CDH13: variants seen among roughly 807,000 people sequenced by gnomAD.
CDH13 encodes cadherin 13.
Under a neutral mutation model 63.8 loss-of-function variants are expected in CDH13, and 24 were observed. The ratio of observed to expected loss-of-function variants is 0.38; its 90% CI spans 0.27 to 0.53. The LOEUF is 0.53. Among genes scored for constraint, CDH13 ranks in the 20% least tolerant of loss-of-function variants. The pLI is 0.85. For synonymous variants in CDH13, 503 were observed against 355.3 expected (o/e 1.42, Z -4.67); for missense variants, 1,049 against 903.1 (o/e 1.16, Z -2.07).
At chr16:83,102,512 G>A (rs993384096) in intron 3 of CDH13, among the ~76,000 whole-genome samples, 3 of 152,120 alleles carry the variant, frequency 2.0e-5, no homozygotes, top group Non-Finnish European at 2.9e-5. Flanking sequence ...CAGATGACAT[G>A]AGATTACATG....
At chr16:82,821,864 A>C (rs2038017652) in intron 1 of CDH13, among the ~76,000 whole-genome samples, 1 of 152,174 alleles carries the variant, frequency 6.6e-6, no homozygotes. Flanking sequence ...CAAGGGCTTG[A>C]AGGAATGTAT....
chr16:83,009,812 G>T (rs564429928), intron 2 of CDH13, among the ~76,000 whole-genome samples: 2 of 152,300 alleles, frequency 1.3e-5, no homozygotes, highest in African/African-American at 4.8e-5. Context: ...AATACAGACT[G>T]CTGGGCTCTA....
At chr16:83,412,962 A>G (rs1455094836) in intron 6 of CDH13, among the ~76,000 whole-genome samples, 4 of 152,192 alleles carry the variant, frequency 2.6e-5, no homozygotes, top group Non-Finnish European at 5.9e-5. Flanking sequence ...TTGGGTGAGA[A>G]ATTACTTATA....
intron 7 of CDH13, among the ~76,000 whole-genome samples, chr16:83,524,828 A>T (rs2151624738): frequency 6.6e-6 from 1 of 152,194 alleles, no homozygotes; most frequent in African/African-American, 2.4e-5. Context: ...TGTCAAGTTT[A>T]TCCATCTTTA....
At chr16:83,239,058 C>G (rs1270654045) in intron 5 of CDH13, among the ~76,000 whole-genome samples, 2 of 152,220 alleles carry the variant, frequency 1.3e-5, no homozygotes, top group Non-Finnish European at 2.9e-5. Context: ...GCTTAAGAAG[C>G]TAACACTCAC....
intron 2 of CDH13, among the ~76,000 whole-genome samples, chr16:83,004,490 CTGTTTTGTTT>C (rs757103686): frequency 1.3e-5 from 2 of 151,996 alleles, no homozygotes; most frequent in Admixed American, 6.6e-5. Flanking sequence ...GCAAGGACCC[CTGTTTTGTTT>C]TGTTTTGTTT....
At chr16:83,616,181 G>A (rs1408357759) in intron 8 of CDH13, among the ~76,000 whole-genome samples, 1 of 152,206 alleles carries the variant, frequency 6.6e-6, no homozygotes. Context: ...AGGATGAGCT[G>A]TCTTGCGTTG....
intron 1 of CDH13, chr16:82,639,586 C>A (rs1457088566): frequency 3.0e-6 from 2 of 668,416 alleles, no homozygotes; most frequent in Non-Finnish European, 2.6e-6. Flanking sequence ...TTTCCCCAAA[C>A]AAAAAGAAAA....
intron 7 of CDH13, among the ~76,000 whole-genome samples, chr16:83,527,398 G>A (rs964097242): frequency 6.6e-6 from 1 of 151,780 alleles, no homozygotes; most frequent in Admixed American, 6.6e-5. Flanking sequence ...GCAGTGAGCC[G>A]AGATCTGGCC....
At chr16:83,568,548 G>C (rs949094170) in intron 7 of CDH13, among the ~76,000 whole-genome samples, 1 of 152,160 alleles carries the variant, frequency 6.6e-6, no homozygotes, top group African/African-American at 2.4e-5. Context: ...TGTCACTTTA[G>C]GAGATGATAG....
chr16:82,982,516 T>G (rs1040193290), intron 2 of CDH13, among the ~76,000 whole-genome samples: 8 of 152,214 alleles, frequency 5.3e-5, no homozygotes, highest in Non-Finnish European at 8.8e-5. Context: ...TTAGGGACTA[T>G]TCCTCCATGT....
intron 7 of CDH13, among the ~76,000 whole-genome samples, chr16:83,599,722 A>T (rs182526920): frequency 6.6e-6 from 1 of 152,232 alleles, no homozygotes; most frequent in Non-Finnish European, 1.5e-5. Context: ...TAAATATTAT[A>T]TGTGAAAAAT....
At chr16:82,677,669 A>G (rs1914087289) in intron 1 of CDH13, among the ~76,000 whole-genome samples, 1 of 152,184 alleles carries the variant, frequency 6.6e-6, no homozygotes, top group Non-Finnish European at 1.5e-5. Context: ...CCAGACTCAC[A>G]AAACACAATA....
chr16:83,496,533 G>A (rs1411031039), intron 7 of CDH13, among the ~76,000 whole-genome samples: 5 of 152,054 alleles, frequency 3.3e-5, no homozygotes, highest in South Asian at 2.1e-4. Flanking sequence ...AGACTTAAAC[G>A]TTAGACCTAA....
intron 1 of CDH13, among the ~76,000 whole-genome samples, chr16:82,746,524 C>T (rs187989481): frequency 5.9e-5 from 9 of 151,826 alleles, no homozygotes; most frequent in South Asian, 2.1e-4. Context: ...TTTTAAAAAT[C>T]GGGTTATTAC....
At chr16:83,544,143 G>T (rs545292163) in intron 7 of CDH13, among the ~76,000 whole-genome samples, 122 of 152,170 alleles carry the variant, frequency 8.0e-4, no homozygotes, top group Non-Finnish European at 1.4e-3. Flanking sequence ...GCTCCCACTC[G>T]CAGTGTCTCT....
At chr16:83,120,611 G>A (rs1040229972) in intron 3 of CDH13, among the ~76,000 whole-genome samples, 4 of 151,936 alleles carry the variant, frequency 2.6e-5, no homozygotes, top group African/African-American at 9.7e-5. Context: ...CTCATCTGAG[G>A]CTCAAGATAT....
intron 3 of CDH13, among the ~76,000 whole-genome samples, chr16:83,072,915 C>T (rs1036265379): frequency 1.3e-5 from 2 of 152,122 alleles, no homozygotes; most frequent in African/African-American, 4.8e-5. Flanking sequence ...TCTCATATTC[C>T]TTTTAAATAT....
chr16:83,460,804 C>T (rs1163002393), intron 6 of CDH13, among the ~76,000 whole-genome samples: 1 of 151,058 alleles, frequency 6.6e-6, no homozygotes, highest in Non-Finnish European at 1.5e-5. Context: ...CCAAGATCAG[C>T]CTGGGCAACA....
Sources: allele counts gnomAD v4.1 joint callset (sites outside exome capture counted in the v4.1 genomes callset), GRCh38; gene constraint gnomAD v4.1.1; transcripts MANE v1.5; gene names NCBI Gene and HGNC (gene_info 2026-07-23, HGNC 2026-07-21).